The following GABRB2 variants were observed in gnomAD, a reference collection of about 807,000 sequenced individuals.
GABRB2 encodes the protein gamma-aminobutyric acid receptor subunit beta-2.
In GABRB2, 16 loss-of-function variants were observed where a neutral mutation model predicts 54.7. The ratio of observed to expected loss-of-function variants is 0.29; its 90% confidence interval spans 0.20 to 0.44. The LOEUF is 0.44. Ranked by LOEUF, GABRB2 falls within the 20% of genes least tolerant of loss-of-function variation. The pLI is 1.00. For synonymous variants in GABRB2, 244 were observed against 233.8 expected (o/e 1.04, Z -0.40); for missense variants, 355 against 644.0 (o/e 0.55, Z 4.86).
chr5:161,424,639 C>G (rs763978292), intron 4 of GABRB2, among the ~76,000 whole-genome samples: 1 of 152,088 alleles, frequency 6.6e-6, no homozygotes, highest in African/African-American at 2.4e-5. Context: ...CACCCAAGAG[C>G]TCTTATGGAG....
At chr5:161,306,999 T>A (rs886858445) in intron 9 of GABRB2, among the ~76,000 whole-genome samples, 1 of 152,178 alleles carries the variant, frequency 6.6e-6, no homozygotes, top group Non-Finnish European at 1.5e-5. Context: ...CAAAAAGCAT[T>A]TATAAGCTAA....
intron 5 of GABRB2, among the ~76,000 whole-genome samples, chr5:161,400,541 T>C (rs753924223): frequency 5.9e-4 from 89 of 152,086 alleles, no homozygotes; most frequent in Admixed American, 4.6e-3. Flanking sequence ...GGGGGAAAAT[T>C]AGCATTAGAA....
intron 5 of GABRB2, among the ~76,000 whole-genome samples, chr5:161,359,132 A>G (rs909128673): frequency 3.3e-5 from 5 of 152,148 alleles, no homozygotes; most frequent in African/African-American, 4.8e-5. Context: ...GAGAGGGGGA[A>G]AAAACAAAAA....
chr5:161,474,543 T>C (rs888646808), intron 3 of GABRB2, among the ~76,000 whole-genome samples: 1 of 152,134 alleles, frequency 6.6e-6, no homozygotes, highest in Non-Finnish European at 1.5e-5. Context: ...ATTGTATATA[T>C]ACAAGAGGTA....
chr5:161,477,915 T>C (rs895847162), intron 3 of GABRB2, among the ~76,000 whole-genome samples: 2 of 152,020 alleles, frequency 1.3e-5, no homozygotes, highest in African/African-American at 4.8e-5. Context: ...ATAACACCAC[T>C]GTAAACTGTT....
At chr5:161,461,158 G>A (rs918247478) in intron 3 of GABRB2, among the ~76,000 whole-genome samples, 7 of 152,176 alleles carry the variant, frequency 4.6e-5, no homozygotes, top group African/African-American at 1.4e-4. Context: ...GTAATTGTAA[G>A]AGTTTGTAAA....
At chr5:161,421,417 G>A (rs1756847288) in intron 4 of GABRB2, among the ~76,000 whole-genome samples, 1 of 152,048 alleles carries the variant, frequency 6.6e-6, no homozygotes, top group Non-Finnish European at 1.5e-5. Context: ...CACCTTCCTG[G>A]GACACGCAGC....
intron 9 of GABRB2, among the ~76,000 whole-genome samples, chr5:161,296,064 G>A (rs1736031041): frequency 6.6e-6 from 1 of 152,158 alleles, no homozygotes; most frequent in African/African-American, 2.4e-5. Context: ...CTTGGAAGTG[G>A]CATTTTTTCC....
Position 161,419,347 on chromosome 5 carries a change from T to C in GABRB2, c.459-8290A>G, listed in dbSNP as rs1172272257. Among the ~76,000 whole-genome samples, 3 of 152,176 alleles carry C rather than the reference T, an allele frequency of 2.0e-5. No individual in the cohort carries two copies. In the East Asian group the frequency reaches 5.8e-4, roughly 29 times the overall value. ...GGACATGGTGAAAAGGGAACACTTA[T>C]ACACTGTTGGTGGGAATGAAAATTA... On this transcript the variant is annotated intron_variant, in intron 4 of 9. Transcript: ENST00000393959.
At chr5:161,502,854 C>T (rs1759493147) in intron 3 of GABRB2, among the ~76,000 whole-genome samples, 1 of 152,200 alleles carries the variant, frequency 6.6e-6, no homozygotes, top group South Asian at 2.1e-4. Flanking sequence ...CTACAGAAAT[C>T]TCCATAAGGT....
rs148330857 is a variant in GABRB2 at position 161,370,910 on chromosome 5, C to T, written c.542-34141G>A. 2.6e-3 allele frequency among the ~76,000 whole-genome samples: 402 copies of T among 152,318 alleles called. 4 individuals carry two copies. Among genetic ancestry groups the T allele is most frequent in the Admixed American group, 0.012 (185 of 15,302 alleles). On this transcript the variant is annotated intron_variant, in intron 5 of 9. Transcript: ENST00000393959. ...CTTTACGTTTTGGAAAAGTCAGCAA[C>T]GACTTTGCTATAAATTTCCCAGAGA...
intron 3 of GABRB2, among the ~76,000 whole-genome samples, chr5:161,532,352 G>T (rs540471080): frequency 6.6e-5 from 10 of 152,060 alleles, no homozygotes; most frequent in African/African-American, 2.2e-4. Context: ...AGATTGGTTA[G>T]TTGCTGTCCA....
At chr5:161,361,852 T>G (rs1014258813) in intron 5 of GABRB2, among the ~76,000 whole-genome samples, 1 of 152,194 alleles carries the variant, frequency 6.6e-6, no homozygotes, top group Non-Finnish European at 1.5e-5. Context: ...TATTTGCCCA[T>G]ACATACCTCC....
intron 5 of GABRB2, among the ~76,000 whole-genome samples, chr5:161,385,423 A>G (rs1171896665): frequency 3.9e-5 from 6 of 152,210 alleles, no homozygotes; most frequent in Non-Finnish European, 7.3e-5. Context: ...GAACAAACAG[A>G]AACAGTCTTG....
At chr5:161,312,484 A>G (rs1226238616) in intron 9 of GABRB2, among the ~76,000 whole-genome samples, 1 of 152,192 alleles carries the variant, frequency 6.6e-6, no homozygotes, top group Non-Finnish European at 1.5e-5. Context: ...GCTTTGCCAA[A>G]GAATAAAATC....
chr5:161,339,704 A>G (rs972351064), intron 5 of GABRB2, among the ~76,000 whole-genome samples: 1 of 152,098 alleles, frequency 6.6e-6, no homozygotes, highest in African/African-American at 2.4e-5. Context: ...GGTGAACAGT[A>G]TTTATACACA....
intron 4 of GABRB2, among the ~76,000 whole-genome samples, chr5:161,415,157 A>G (rs1276050072): frequency 6.6e-6 from 1 of 152,236 alleles, no homozygotes; most frequent in African/African-American, 2.4e-5. Context: ...AGGTATCCTG[A>G]TTAATTTTTA....
rs754545918 is a variant in GABRB2 at position 161,330,918 on chromosome 5, C to T, written c.1042G>A (p.Ala348Thr). 1.9e-6 allele frequency: 3 copies of T among 1,614,258 alleles called. No homozygotes were observed. Among genetic ancestry groups the T allele is most frequent in the East Asian group, 4.5e-5 (2 of 44,882 alleles). The change falls in exon 8 of 10, where the codon GCC becomes ACC. Residue 348 changes from alanine to threonine, a missense_variant. By Grantham distance (58) the Ala-to-Thr change is moderately conservative. Transcript: ENST00000393959. The part of the protein sequence containing the change: ...QKKAAEKAAS[A>T]NNEKMRLDVN... ...TCCAGGCGCATCTTCTCATTGTTGG[C>T]ACTGGCAGCCTTCTCAGCTGCTTTC...
At chr5:161,501,042 T>C (rs1188407898) in intron 3 of GABRB2, among the ~76,000 whole-genome samples, 1 of 148,082 alleles carries the variant, frequency 6.8e-6, no homozygotes, top group African/African-American at 2.6e-5. Context: ...TGTCCATGTG[T>C]ATTTTTAAAT....
Sources: allele counts gnomAD v4.1 joint callset (sites outside exome capture counted in the v4.1 genomes callset), GRCh38; gene constraint gnomAD v4.1.1; transcripts MANE v1.5; gene names NCBI Gene and HGNC (gene_info 2026-07-23, HGNC 2026-07-21).